The following PPM1E variants were observed in gnomAD, a reference collection of about 807,000 sequenced individuals.
PPM1E encodes the protein protein phosphatase, Mg2+/Mn2+ dependent 1E.
Under a neutral mutation model 65.9 loss-of-function variants are expected in PPM1E, and 20 were observed. The observed-to-expected ratio is 0.30, with a 90% CI of 0.21 to 0.44. The LOEUF is 0.44. Ranked by LOEUF, PPM1E falls within the 20% of genes least tolerant of loss-of-function variation. The probability of loss-of-function intolerance (pLI) is 1.00; values close to 1 mark genes in which losing one functional copy is unlikely to be tolerated. For missense variants in PPM1E, 713 were observed against 953.1 expected (o/e 0.75, Z 3.32); for synonymous variants, 352 against 374.9 (o/e 0.94, Z 0.70).
chr17:58,795,106 G>C (rs1279577457), intron 1 of PPM1E, among the ~76,000 whole-genome samples: 2 of 151,780 alleles, frequency 1.3e-5, no homozygotes, highest in African/African-American at 4.8e-5. Flanking sequence ...TGGTCAGGCT[G>C]GTCTTGAACT....
chr17:58,940,269 C>G (rs1200985035), intron 1 of PPM1E, among the ~76,000 whole-genome samples: 2 of 152,198 alleles, frequency 1.3e-5, no homozygotes, highest in African/African-American at 4.8e-5. Flanking sequence ...CAAATATTCT[C>G]TGATGTGACT....
At chr17:58,768,539 A>T (rs2049904891) in intron 1 of PPM1E, among the ~76,000 whole-genome samples, 1 of 152,182 alleles carries the variant, frequency 6.6e-6, no homozygotes, top group Admixed American at 6.6e-5. Context: ...CCACCCAAAA[A>T]AGTATCTTGT....
In PPM1E at chr17:58,822,326, TTTTATTTATTTATTTA is replaced by T. The variant is rs143533991; in HGVS notation, c.464+65901_464+65916del. Among the ~76,000 whole-genome samples the T allele has an allele frequency of 1.4e-3, 194 of 142,004 alleles. 2 individuals carry two copies. The Middle Eastern group carries it at 0.014, about 10-fold the overall frequency. The allele number at this position is 142,004 out of a possible 152,430, so 93.2% of individuals were successfully genotyped here. A position where few individuals can be genotyped will look rare whatever the true frequency, so the allele number is the denominator to read the frequency against. ...GTAAAGTTGCTAAGTCTGAATTTAT[TTTTATTTATTTATTTA>T]TTTATTTATTTATTTATTTATTTAT... On this transcript the variant is annotated intron_variant, in intron 1 of 6. Coordinates refer to ENST00000308249, the MANE Select transcript of PPM1E (RefSeq NM_014906.5).
At position 58,984,945 on chromosome 17, in the gene PPM1E, G is replaced by C. The variant is rs1036319211; in HGVS notation, c.*3914G>C. ...TGCTCTTTGGTGAGAGACAGGCTTT[G>C]TTCTCTTGTTCATAACATTTCTCTG... On this transcript the variant is annotated 3_prime_UTR_variant, in exon 7 of 7. Transcript: ENST00000308249. The C allele has an allele frequency of 1.3e-5, 2 of 152,626 alleles. No individual in the cohort carries two copies. The highest frequency in any genetic ancestry group is 2.9e-5 in the Non-Finnish European group (2 of 68,030). 9.5% of individuals were successfully genotyped at this position (152,626 alleles called of 1,614,324 possible). A position where few individuals can be genotyped will look rare whatever the true frequency, so the allele number is the denominator to read the frequency against.
intron 1 of PPM1E, among the ~76,000 whole-genome samples, chr17:58,799,515 T>A (rs1196099179): frequency 6.6e-6 from 1 of 152,164 alleles, no homozygotes; most frequent in Non-Finnish European, 1.5e-5. Context: ...CGATCTTGGC[T>A]CACTGCAACT....
At chr17:58,766,196 G>GTTT (rs10604459) in intron 1 of PPM1E, among the ~76,000 whole-genome samples, 54 of 65,138 alleles carry the variant, frequency 8.3e-4, no homozygotes, top group Non-Finnish European at 1.2e-3. Flanking sequence ...TGTAATTTCT[G>GTTT]TTTTTTTTTT....
At chr17:58,839,398 G>A (rs752124504) in intron 1 of PPM1E, among the ~76,000 whole-genome samples, 1 of 152,076 alleles carries the variant, frequency 6.6e-6, no homozygotes, top group Non-Finnish European at 1.5e-5. Context: ...AGCAGACTGT[G>A]ACAAGAGCAT....
chr17:58,782,411 T>G (rs965350661), intron 1 of PPM1E, among the ~76,000 whole-genome samples: 10 of 151,624 alleles, frequency 6.6e-5, no homozygotes, highest in South Asian at 4.2e-4. Context: ...TTTTGTTTTT[T>G]TTTTTTTTGA....
intron 1 of PPM1E, among the ~76,000 whole-genome samples, chr17:58,939,014 C>T (rs745725911): frequency 6.1e-4 from 93 of 151,986 alleles, no homozygotes; most frequent in South Asian, 1.5e-3. Flanking sequence ...TCTCGAACTC[C>T]GGACCTCAGG....
chr17:58,852,348 T>G (rs1026747340), intron 1 of PPM1E, among the ~76,000 whole-genome samples: 1 of 152,196 alleles, frequency 6.6e-6, no homozygotes, highest in Non-Finnish European at 1.5e-5. Flanking sequence ...GTGTTGCTCA[T>G]GCTGGGAGCT....
At chr17:58,918,033 T>G (rs1205544902) in intron 1 of PPM1E, among the ~76,000 whole-genome samples, 1 of 152,258 alleles carries the variant, frequency 6.6e-6, no homozygotes, top group Non-Finnish European at 1.5e-5. Flanking sequence ...GATTCTCATT[T>G]TGTCCCTAGT....
intron 1 of PPM1E, among the ~76,000 whole-genome samples, chr17:58,947,616 A>T (rs2052179879): frequency 6.9e-6 from 1 of 144,948 alleles, no homozygotes; most frequent in Non-Finnish European, 1.5e-5. Flanking sequence ...ACTCTCTACT[A>T]TCTCGGTTCT....
intron 1 of PPM1E, among the ~76,000 whole-genome samples, chr17:58,759,156 C>T (rs771398307): frequency 7.9e-5 from 12 of 152,096 alleles, no homozygotes; most frequent in Non-Finnish European, 1.5e-4. Context: ...GTAGTCCCAG[C>T]TACTTGGGAG....
chr17:58,819,293 G>C (rs770015512), intron 1 of PPM1E, among the ~76,000 whole-genome samples: 23 of 152,004 alleles, frequency 1.5e-4, no homozygotes, highest in African/African-American at 5.6e-4. Flanking sequence ...TTATAGGCAC[G>C]CGCCACCACG....
At chr17:58,806,863 C>CTG (rs1194717181) in intron 1 of PPM1E, among the ~76,000 whole-genome samples, 1 of 126,250 alleles carries the variant, frequency 7.9e-6, no homozygotes, top group Non-Finnish European at 1.8e-5. Context: ...CCACGCCCTG[C>CTG]TGTGTTTTTT....
At chr17:58,929,728 C>T (rs1215388296) in intron 1 of PPM1E, among the ~76,000 whole-genome samples, 1 of 152,068 alleles carries the variant, frequency 6.6e-6, no homozygotes, top group Non-Finnish European at 1.5e-5. Context: ...CAATTTTTTT[C>T]CTTATGTATT....
intron 1 of PPM1E, among the ~76,000 whole-genome samples, chr17:58,825,000 A>G (rs1289477189): frequency 6.6e-6 from 1 of 151,888 alleles, no homozygotes; most frequent in Non-Finnish European, 1.5e-5. Context: ...AGAAGGACAC[A>G]ATGGACTTTG....
intron 1 of PPM1E, among the ~76,000 whole-genome samples, chr17:58,888,262 A>G (rs1275825335): frequency 1.3e-5 from 2 of 151,862 alleles, no homozygotes; most frequent in African/African-American, 2.4e-5. Flanking sequence ...TGGCTTTACA[A>G]TTACGCACTA....
Position 58,911,127 on chromosome 17 carries a change from G to A in PPM1E, c.465-44522G>A, listed in dbSNP as rs1244958016. Among the ~76,000 whole-genome samples the A allele has an allele frequency of 2.6e-5, 4 of 152,130 alleles. No individual in the cohort carries two copies. The East Asian group carries it at 5.8e-4, about 22-fold the overall frequency. On this transcript the variant is annotated intron_variant, in intron 1 of 6. Transcript: ENST00000308249. Reference sequence around the variant, plus strand: ...TTCTTACCCTGGAATTGGTTCCTATGGAGGTGTCTGATGGGTATGTTTTAT... The same window carrying A: ...TTCTTACCCTGGAATTGGTTCCTATAGAGGTGTCTGATGGGTATGTTTTAT...
Sources: gnomAD v4.1 joint callset for allele counts (sites outside exome capture counted in the v4.1 genomes callset) on GRCh38, gnomAD v4.1.1 for gene constraint, MANE v1.5 for transcripts, NCBI Gene and HGNC (gene_info 2026-07-23, HGNC 2026-07-21) for gene names.